Variants in ZNF774 observed in about 807,000 individuals in gnomAD.
The protein encoded by ZNF774 is zinc finger protein 774.
A neutral mutation model predicts 11.1 loss-of-function variants in ZNF774; 14 were observed. The ratio of observed to expected loss-of-function variants is 1.26; its 90% confidence interval spans 0.83 to 1.97. ZNF774 has a LOEUF of 1.97. ZNF774 is among the 30% of genes most tolerant of loss of function. ZNF774 has a pLI of 0.00. For synonymous variants in ZNF774, 195 were observed against 212.6 expected (o/e 0.92, Z 0.72); for missense variants, 599 against 587.0 (o/e 1.02, Z -0.21).
chr15:90,358,655 C>CT (rs1047222092), intron 2 of ZNF774, among the ~76,000 whole-genome samples, 196 bp from the exon 3 acceptor site: 9 of 151,792 alleles, frequency 5.9e-5, no homozygotes, highest in Non-Finnish European at 1.0e-4. Context: ...AGGAAAAGGG[C>CT]TTTTTTTTCT....
rs367962983 is a variant in ZNF774, at chr15:90,360,996, G to A, written c.1165G>A (p.Ala389Thr). 1.1e-5 allele frequency: 17 copies of A among 1,613,862 alleles called. No individual in the cohort carries two copies. The highest frequency in any genetic ancestry group is 1.4e-5 in the Non-Finnish European group (16 of 1,180,014). The change falls in exon 4 of 4, where the codon GCC becomes ACC. Residue 389 changes from alanine (A) to threonine (T), a missense_variant. Coordinates refer to ENST00000354377, the MANE Select transcript of ZNF774 (RefSeq NM_001004309.3). ...NCGKGFADSS[A>T]LIKHQRIHTG... ...TGGGAAAGGATTCGCCGACAGCTCCGCCCTCATTAAGCACCAACGAATCCA... is the reference window on the plus strand; with the variant it reads ...TGGGAAAGGATTCGCCGACAGCTCCACCCTCATTAAGCACCAACGAATCCA...
At chr15:90,360,017 C>T (rs543203125) in intron 3 of ZNF774, 26 bp from the exon 4 acceptor site, 3 of 1,561,694 alleles carry the variant, frequency 1.9e-6, no homozygotes, top group South Asian at 1.2e-5. Context: ...TAACTTTATT[C>T]TCTGTTACTT....
rs1460900867 is a variant in ZNF774, at chr15:90,354,678, A to G, written c.18A>G (p.Ser6=). The G allele has an allele frequency of 6.2e-7, 1 of 1,610,364 alleles. No individual in the cohort carries two copies. Residue 6 remains serine (S), a synonymous_variant, in exon 2 of 4, where the codon TCA becomes TCG. Transcript: ENST00000354377. MWLGT[S]GKSGLPGHCL... ...GCTTGATAATGTGGCTGGGGACTTCAGGGAAGAGTGGGTTACCTGGACACT... is the reference window on the plus strand; with the variant it reads ...GCTTGATAATGTGGCTGGGGACTTCGGGGAAGAGTGGGTTACCTGGACACT...
rs1469536323 is a variant in ZNF774 at position 90,360,535 on chromosome 15, A to C, written c.704A>C (p.Tyr235Ser). ...HQRTHTGERPYECPECGKTFG... is the reference protein window; with the variant it reads ...HQRTHTGERPSECPECGKTFG... Reference sequence around the variant, plus strand: ...AGAACCCACACAGGGGAGAGACCCTATGAGTGCCCAGAGTGTGGAAAGACT... The same window carrying C: ...AGAACCCACACAGGGGAGAGACCCTCTGAGTGCCCAGAGTGTGGAAAGACT... Residue 235 changes from tyrosine to serine, a missense_variant, in exon 4 of 4, where the codon TAT becomes TCT. By Grantham distance (144) the Tyr-to-Ser change is moderately radical (BLOSUM62 -2). Transcript: ENST00000354377. The C allele has an allele frequency of 1.2e-6, 2 of 1,613,546 alleles. No homozygotes were observed. Among genetic ancestry groups the C allele is most frequent in the East Asian group, 4.5e-5 (2 of 44,824 alleles).
chr15:90,359,526 C>T (rs370547312), intron 3 of ZNF774, among the ~76,000 whole-genome samples: 1 of 152,050 alleles, frequency 6.6e-6, no homozygotes, highest in East Asian at 1.9e-4. Flanking sequence ...ACAATCTCTG[C>T]TCACTGCAAC....
At position 90,361,249 on chromosome 15, in the gene ZNF774, A is replaced by G. The variant is rs1456126750; in HGVS notation, c.1418A>G (p.His473Arg). Residue 473 changes from histidine (H) to arginine (R), a missense_variant, in exon 4 of 4, where the codon CAT (histidine) becomes CGT (arginine). Physicochemically the swap from His to Arg is conservative, Grantham distance 29. Transcript: ENST00000354377. The part of the protein sequence containing the change: ...KCNKSFRQKA[H>R]LLCHQNTHLI ...AACAAGAGCTTCCGTCAGAAAGCGC[A>G]TCTTTTATGCCATCAAAACACCCAT... 6.2e-7 allele frequency: 1 copy of G among 1,609,998 alleles called. No individual in the cohort carries two copies. The highest frequency in any genetic ancestry group is 8.5e-7 in the Non-Finnish European group (1 of 1,177,628).
chr15:90,352,693 C>T (rs1322006147), intron 1 of ZNF774, among the ~76,000 whole-genome samples: 1 of 152,090 alleles, frequency 6.6e-6, no homozygotes, highest in Non-Finnish European at 1.5e-5. Context: ...GCGCGAGCAC[C>T]GAGAAGAAGA....
chr15:90,354,769 G>T lies in ZNF774; in HGVS notation c.104+5G>T, dbSNP rs369396803. Reference sequence around the variant, plus strand: ...AGAAGAATGGGCTCTCAAAGGGTAAGAATGCTACTCTCCTTTATTTCATTT... The same window carrying T: ...AGAAGAATGGGCTCTCAAAGGGTAATAATGCTACTCTCCTTTATTTCATTT... On this transcript the variant is annotated splice_donor_5th_base_variant and intron_variant, in intron 2 of 3. Coordinates refer to ENST00000354377, the MANE Select transcript of ZNF774 (RefSeq NM_001004309.3). 6 of 1,595,888 alleles carry T rather than the reference G, an allele frequency of 3.8e-6. No individual in the cohort carries two copies. The African/African-American group carries it at 8.0e-5, about 21-fold the overall frequency.
At position 90,361,577 on chromosome 15, in the gene ZNF774, C is replaced by T. The variant is rs1377766525; in HGVS notation, c.*294C>T. The T allele has an allele frequency of 4.7e-6, 5 of 1,059,292 alleles. No individual in the cohort carries two copies. The East Asian group carries it at 3.0e-4, about 63-fold the overall frequency. 65.6% of individuals were successfully genotyped at this position (1,059,292 alleles called of 1,614,324 possible). A position where few individuals can be genotyped will look rare whatever the true frequency, so the allele number is the denominator to read the frequency against. On this transcript the variant is annotated 3_prime_UTR_variant, in exon 4 of 4. Transcript: ENST00000354377. ...CTGTAATCCCAGCACTTTTGGGAGG[C>T]CAAGGTGGGTGGATCACTTGAGGTC...
At chr15:90,352,713 G>A (rs1209883328) in intron 1 of ZNF774, among the ~76,000 whole-genome samples, 1 of 151,872 alleles carries the variant, frequency 6.6e-6, no homozygotes, top group East Asian at 1.9e-4. Flanking sequence ...AACGGGGTTC[G>A]GCCCCACGCG....
At position 90,360,598 on chromosome 15, in the gene ZNF774, C is replaced by G. The variant is rs756300594; in HGVS notation, c.767C>G (p.Thr256Ser). The G allele has an allele frequency of 6.2e-7, 1 of 1,614,128 alleles. No homozygotes were observed. The highest frequency in any genetic ancestry group is 8.5e-7 in the Non-Finnish European group (1 of 1,180,010). The part of the protein sequence containing the change: ...RKPHLIMHQR[T>S]HTGEKPYACL... ...CCACACCTCATAATGCACCAAAGAA[C>G]CCACACAGGCGAGAAGCCCTACGCG... Residue 256 changes from threonine to serine, a missense_variant, in exon 4 of 4, where the codon ACC becomes AGC. Thr to Ser is a moderately conservative substitution (Grantham distance 58). Transcript: ENST00000354377.
chr15:90,361,526 T>C lies in ZNF774; in HGVS notation c.*243T>C, dbSNP rs1596233321. 1 of 1,229,638 alleles carries C rather than the reference T, an allele frequency of 8.1e-7. No homozygotes were observed. Among genetic ancestry groups the C allele is most frequent in the Non-Finnish European group, 1.0e-6 (1 of 982,100 alleles). 76.2% of individuals were successfully genotyped at this position (1,229,638 alleles called of 1,614,324 possible). A position where few individuals can be genotyped will look rare whatever the true frequency, so the allele number is the denominator to read the frequency against. ...AGGGAAATGTGAGTTTAATAGTTGATGCCCGCCAGGCGTGGTGGCTCACCC... is the reference window on the plus strand; with the variant it reads ...AGGGAAATGTGAGTTTAATAGTTGACGCCCGCCAGGCGTGGTGGCTCACCC... On this transcript the variant is annotated 3_prime_UTR_variant, in exon 4 of 4. Transcript: ENST00000354377.
chr15:90,361,221 T>C lies in ZNF774; in HGVS notation c.1390T>C (p.Cys464Arg), dbSNP rs371852021. ...TGEKPFHCSKCNKSFRQKAHL... is the reference protein window; with the variant it reads ...TGEKPFHCSKRNKSFRQKAHL... ...AGAAAAACCTTTCCACTGTAGTAAA[T>C]GTAACAAGAGCTTCCGTCAGAAAGC... is the stretch of plus-strand genomic sequence containing the variant. Residue 464 changes from cysteine to arginine, a missense_variant, in exon 4 of 4, where the codon TGT becomes CGT. Cys to Arg is a radical substitution (Grantham distance 180, BLOSUM62 -3). Transcript: ENST00000354377. The C allele has an allele frequency of 1.1e-5, 18 of 1,612,868 alleles. No homozygotes were observed. In the African/African-American group the frequency reaches 1.5e-4, roughly 13 times the overall value.
intron 2 of ZNF774, among the ~76,000 whole-genome samples, chr15:90,358,646 G>T (rs372813303): frequency 6.6e-6 from 1 of 152,044 alleles, no homozygotes; most frequent in African/African-American, 2.4e-5. Flanking sequence ...CTTTATGGGA[G>T]GAAAAGGGCT....
At chr15:90,359,810 G>A (rs887319301) in intron 3 of ZNF774, among the ~76,000 whole-genome samples, 3 of 152,072 alleles carry the variant, frequency 2.0e-5, no homozygotes, top group Admixed American at 6.6e-5. Flanking sequence ...TGTGGTCTCC[G>A]CTTGAAGGAT....
intron 1 of ZNF774, among the ~76,000 whole-genome samples, chr15:90,353,832 A>G (rs1283068524): frequency 6.6e-6 from 1 of 152,158 alleles, no homozygotes; most frequent in Non-Finnish European, 1.5e-5. Context: ...GAAACTTTTT[A>G]AGGGAAAAAA....
chr15:90,359,985 G>A lies in ZNF774; in HGVS notation c.212-58G>A, dbSNP rs184447172. The A allele has an allele frequency of 1.5e-3, 2,275 of 1,516,138 alleles. 1 individual carries two copies. Among genetic ancestry groups the A allele is most frequent in the Admixed American group, 2.6e-3 (122 of 46,162 alleles). The allele number at this position is 1,516,138 out of a possible 1,614,324, so 93.9% of individuals were successfully genotyped here. On this transcript the variant is annotated intron_variant, in intron 3 of 3. Transcript: ENST00000354377. ...ATTTTAATCTTTGTCACTGCTTTCT[G>A]ATATTCCTTCCTGATAACTGATAAC...
Position 90,360,838 on chromosome 15 carries a change from C to T in ZNF774, c.1007C>T (p.Ala336Val), listed in dbSNP as rs151098889. Reference sequence around the variant, plus strand: ...TTCAGAGATAGTTCTCATTTTGTAGCTCACATGAGCACTCATTCAGGAGAG... The same window carrying T: ...TTCAGAGATAGTTCTCATTTTGTAGTTCACATGAGCACTCATTCAGGAGAG... ...KGFRDSSHFV[A>V]HMSTHSGERP... The change falls in exon 4 of 4, where the codon GCT (alanine) becomes GTT (valine). Residue 336 changes from alanine (A) to valine (V), a missense_variant. Coordinates refer to ENST00000354377, the MANE Select transcript of ZNF774 (RefSeq NM_001004309.3). 2 of 1,614,030 alleles carry T rather than the reference C, an allele frequency of 1.2e-6. No individual in the cohort carries two copies. Among genetic ancestry groups the T allele is most frequent in the East Asian group, 2.2e-5 (1 of 44,888 alleles).
chr15:90,361,083 T>C lies in ZNF774; in HGVS notation c.1252T>C (p.Phe418Leu), dbSNP rs200511606. 26 of 1,614,176 alleles carry C rather than the reference T, an allele frequency of 1.6e-5. No individual in the cohort carries two copies. Among genetic ancestry groups the C allele is most frequent in the Non-Finnish European group, 1.9e-5 (22 of 1,180,010 alleles). ...GAAGAGCTTCAATCAGAGCTCCCAC[T>C]TTATTACCCATCAGCGAATCCACTT... The part of the protein sequence containing the change: ...CGKSFNQSSH[F>L]ITHQRIHLGD... The change falls in exon 4 of 4, where the codon TTT becomes CTT. Residue 418 changes from phenylalanine (F) to leucine (L), a missense_variant. Physicochemically the swap from Phe to Leu is conservative, Grantham distance 22 (BLOSUM62 0). Coordinates refer to ENST00000354377, the MANE Select transcript of ZNF774 (RefSeq NM_001004309.3).
Sources: gnomAD v4.1 joint callset for allele counts (sites outside exome capture counted in the v4.1 genomes callset) on GRCh38, gnomAD v4.1.1 for gene constraint, MANE v1.5 for transcripts, NCBI Gene and HGNC (gene_info 2026-07-23, HGNC 2026-07-21) for gene names.